The following FBXL17 variants were observed in gnomAD, a reference collection of about 807,000 sequenced individuals.
The protein encoded by FBXL17 is F-box/LRR-repeat protein 17.
Under a neutral mutation model 66.2 loss-of-function variants are expected in FBXL17, and 22 were observed. That is an observed-to-expected ratio of 0.33 (90% CI 0.24 to 0.47). The LOEUF (loss-of-function observed/expected upper bound fraction) is 0.47, where lower values mean the gene tolerates loss of function less well. FBXL17 is among the 20% of genes least tolerant of loss of function. FBXL17 has a pLI of 1.00. For synonymous variants in FBXL17, 474 were observed against 400.5 expected (o/e 1.18, Z -2.19); for missense variants, 878 against 948.2 (o/e 0.93, Z 0.97).
intron 7 of FBXL17, among the ~76,000 whole-genome samples, chr5:107,942,453 T>A (rs1442327292): frequency 6.6e-6 from 1 of 152,156 alleles, no homozygotes; most frequent in Non-Finnish European, 1.5e-5. Context: ...AACAAATAAC[T>A]ACTGATGACA....
chr5:108,024,216 C>G (rs1251142354), intron 6 of FBXL17, among the ~76,000 whole-genome samples: 1 of 152,080 alleles, frequency 6.6e-6, no homozygotes, highest in Non-Finnish European at 1.5e-5. Flanking sequence ...CAGAAAGTAT[C>G]CGTGTATAAG....
At chr5:107,902,368 T>C (rs1249572507) in intron 7 of FBXL17, among the ~76,000 whole-genome samples, 2 of 152,210 alleles carry the variant, frequency 1.3e-5, no homozygotes, top group African/African-American at 4.8e-5. Context: ...ATTAAATCAA[T>C]AAATTAATTT....
rs149663834 is a variant in FBXL17, at chr5:107,867,403, A to G, written c.1966-5543T>C. Reference sequence around the variant, plus strand: ...TTGGATAACCTGATGGCAACCCTCCATACTGGAGATCATTCTTAAACCAAG... The same window carrying G: ...TTGGATAACCTGATGGCAACCCTCCGTACTGGAGATCATTCTTAAACCAAG... On this transcript the variant is annotated intron_variant, in intron 8 of 8. Coordinates refer to ENST00000542267, the MANE Select transcript of FBXL17 (RefSeq NM_001163315.3). Among the ~76,000 whole-genome samples the G allele has an allele frequency of 1.3e-4, 20 of 152,344 alleles. No homozygotes were observed. The East Asian group carries it at 3.9e-3, about 29-fold the overall frequency.
intron 6 of FBXL17, among the ~76,000 whole-genome samples, chr5:108,093,225 T>C (rs1749250992): frequency 6.6e-6 from 1 of 152,074 alleles, no homozygotes; most frequent in South Asian, 2.1e-4. Context: ...TTCTGTATTT[T>C]ATGTGCCATA....
At chr5:108,166,903 T>C (rs1328460032) in intron 6 of FBXL17, among the ~76,000 whole-genome samples, 2 of 152,222 alleles carry the variant, frequency 1.3e-5, no homozygotes, top group Non-Finnish European at 2.9e-5. Flanking sequence ...ATCCATTAGA[T>C]GTGTAGGTGC....
At chr5:108,361,243 C>A (rs558746555) in intron 3 of FBXL17, among the ~76,000 whole-genome samples, 3 of 152,250 alleles carry the variant, frequency 2.0e-5, no homozygotes, top group African/African-American at 2.4e-5. Flanking sequence ...CACTTCCCTA[C>A]GCTTCACTAT....
intron 5 of FBXL17, among the ~76,000 whole-genome samples, chr5:108,220,048 G>C (rs1267014340): frequency 6.5e-5 from 9 of 139,392 alleles, no homozygotes; most frequent in African/African-American, 1.6e-4. Flanking sequence ...ATTGGTATTT[G>C]TTTCATTATT....
intron 4 of FBXL17, among the ~76,000 whole-genome samples, chr5:108,318,076 C>G (rs1402746699): frequency 6.6e-6 from 1 of 151,422 alleles, no homozygotes; most frequent in East Asian, 1.9e-4. Context: ...CTAAAAAAAA[C>G]TATAAACATT....
At chr5:107,868,204 G>C (rs920419467) in intron 8 of FBXL17, among the ~76,000 whole-genome samples, 32 of 152,272 alleles carry the variant, frequency 2.1e-4, no homozygotes, top group African/African-American at 7.5e-4. Flanking sequence ...GTACCACATT[G>C]CCTGGCCCCT....
chr5:107,973,184 A>C (rs1752438876), intron 7 of FBXL17, among the ~76,000 whole-genome samples: 1 of 152,040 alleles, frequency 6.6e-6, no homozygotes, highest in African/African-American at 2.4e-5. Context: ...TCCTGGCCAC[A>C]GAAGAGCTAA....
At chr5:108,368,229 T>C (rs1168077802) in intron 1 of FBXL17, among the ~76,000 whole-genome samples, 1 of 150,818 alleles carries the variant, frequency 6.6e-6, no homozygotes, top group Non-Finnish European at 1.5e-5. Flanking sequence ...TTTGCTTATA[T>C]TTAAAAAAAA....
At chr5:107,866,796 A>T (rs1235801109) in intron 8 of FBXL17, among the ~76,000 whole-genome samples, 1 of 152,202 alleles carries the variant, frequency 6.6e-6, no homozygotes, top group Non-Finnish European at 1.5e-5. Flanking sequence ...ATCTGAGTAT[A>T]TTAAAATCAC....
At chr5:108,153,763 C>A (rs1403927430) in intron 6 of FBXL17, among the ~76,000 whole-genome samples, 3 of 152,050 alleles carry the variant, frequency 2.0e-5, no homozygotes, top group African/African-American at 7.2e-5. Flanking sequence ...ACACAGGGTT[C>A]AATCCATGAG....
chr5:108,235,891 AT>A (rs532047281), intron 4 of FBXL17, among the ~76,000 whole-genome samples: 10 of 152,324 alleles, frequency 6.6e-5, no homozygotes, highest in South Asian at 4.1e-4. Flanking sequence ...GAAGAAATAC[AT>A]TTTTTGATGC....
At chr5:108,065,083 T>C (rs923549134) in intron 6 of FBXL17, among the ~76,000 whole-genome samples, 1 of 152,184 alleles carries the variant, frequency 6.6e-6, no homozygotes, top group African/African-American at 2.4e-5. Context: ...GGCTACCCTA[T>C]TAGCAATTTC....
chr5:108,131,432 C>T (rs1750926972), intron 6 of FBXL17, among the ~76,000 whole-genome samples: 1 of 152,072 alleles, frequency 6.6e-6, no homozygotes, highest in Non-Finnish European at 1.5e-5. Context: ...TTTAAAATTG[C>T]AGTGAGGTGG....
intron 4 of FBXL17, among the ~76,000 whole-genome samples, chr5:108,247,708 C>T (rs1194904909): frequency 6.6e-6 from 1 of 152,076 alleles, no homozygotes; most frequent in Non-Finnish European, 1.5e-5. Context: ...TTACTCATAG[C>T]ATTTAAATTC....
intron 7 of FBXL17, 82 bp from the exon 8 acceptor site, chr5:107,881,261 C>T (rs1176676916): frequency 2.5e-6 from 2 of 795,118 alleles, no homozygotes; most frequent in Non-Finnish European, 3.8e-6. Context: ...ATCTCATTTC[C>T]TCACTAAATT....
At chr5:107,895,313 T>C (rs1375690971) in intron 7 of FBXL17, among the ~76,000 whole-genome samples, 1 of 152,034 alleles carries the variant, frequency 6.6e-6, no homozygotes, top group African/African-American at 2.4e-5. Flanking sequence ...AAATAGTAAA[T>C]TTTGGGATCA....
Sources: gnomAD v4.1 joint callset for allele counts (sites outside exome capture counted in the v4.1 genomes callset) on GRCh38, gnomAD v4.1.1 for gene constraint, MANE v1.5 for transcripts, NCBI Gene and HGNC (gene_info 2026-07-23, HGNC 2026-07-21) for gene names.